Variants in MEGF6 observed in about 807,000 individuals in gnomAD.
The protein encoded by MEGF6 is multiple epidermal growth factor-like domains protein 6.
A neutral mutation model predicts 207.1 loss-of-function variants in MEGF6; 184 were observed. The observed-to-expected ratio is 0.89, with a 90% confidence interval of 0.79 to 1.00. The LOEUF is 1.00. Among genes scored for constraint, MEGF6 ranks in the 50% least tolerant of loss-of-function variants. The pLI, the probability that MEGF6 is intolerant of heterozygous loss-of-function variation, is 0.00. For missense variants in MEGF6, 2,282 were observed against 2,202.9 expected (o/e 1.04, Z -0.72); for synonymous variants, 1,038 against 910.0 (o/e 1.14, Z -2.53).
intron 1 of MEGF6, among the ~76,000 whole-genome samples, chr1:3,605,619 C>T (rs1363436821): frequency 1.3e-5 from 2 of 152,134 alleles, no homozygotes; most frequent in Non-Finnish European, 2.9e-5. Flanking sequence ...CACATACATA[C>T]TCATGCACAC....
At chr1:3,593,115 A>G (rs1644005655) in intron 3 of MEGF6, among the ~76,000 whole-genome samples, 1 of 152,192 alleles carries the variant, frequency 6.6e-6, no homozygotes, top group East Asian at 1.9e-4. Context: ...GCACAGGCAG[A>G]CAGAGCTGGC....
intron 3 of MEGF6, among the ~76,000 whole-genome samples, chr1:3,580,910 C>T (rs1643781017): frequency 1.3e-5 from 2 of 152,096 alleles, no homozygotes; most frequent in African/African-American, 4.8e-5. Flanking sequence ...GCACCCCTGC[C>T]AGTAGCAGGG....
At chr1:3,607,057 C>T (rs1361063922) in intron 1 of MEGF6, among the ~76,000 whole-genome samples, 6 of 151,968 alleles carry the variant, frequency 3.9e-5, no homozygotes, top group East Asian at 1.9e-4. Context: ...CTTGGGCCTC[C>T]GGGGCTTGGA....
At position 3,594,142 on chromosome 1, in the gene MEGF6, G is replaced by A. The variant is rs1229390200; in HGVS notation, c.376+1196C>T. The stretch of plus-strand genomic sequence containing the variant: ...TGTCCATTAAACCTCAACGTGGAGC[G>A]TGCTGGCGGGACATGGTGGCTCACA... On this transcript the variant is annotated intron_variant, in intron 3 of 36. Transcript: ENST00000356575. The surrounding 1 kb of genome is among the most constrained non-coding windows in gnomAD (Gnocchi z 4.2). 3.3e-5 allele frequency among the ~76,000 whole-genome samples: 5 copies of A among 152,232 alleles called. No homozygotes were observed. The highest frequency in any genetic ancestry group is 7.3e-5 in the Non-Finnish European group (5 of 68,044).
Position 3,507,037 on chromosome 1 carries a change from GA to G in MEGF6, c.1789+757del, listed in dbSNP as rs377152523. Among the ~76,000 whole-genome samples the G allele has an allele frequency of 1.6e-4, 25 of 152,340 alleles. No homozygotes were observed. In the East Asian group the frequency reaches 4.1e-3, roughly 25 times the overall value. ...GGGTTCCCCAGCACCCTGTAGAATA[GA>G]AAGGGCAGACAAAGTGGGGAAGGGA... On this transcript the variant is annotated intron_variant, in intron 14 of 36. Coordinates refer to ENST00000356575, the MANE Select transcript of MEGF6 (RefSeq NM_001409.4).
rs182891351 is a variant in MEGF6 at position 3,508,026 on chromosome 1, A to G, written c.1661-103T>C. 4 of 1,347,668 alleles carry G rather than the reference A, an allele frequency of 3.0e-6. No individual in the cohort carries two copies. In the Admixed American group the frequency reaches 9.6e-5, roughly 33 times the overall value. 83.5% of individuals were successfully genotyped at this position (1,347,668 alleles called of 1,614,324 possible). A position where few individuals can be genotyped will look rare whatever the true frequency, so the allele number is the denominator to read the frequency against. Reference sequence around the variant, plus strand: ...TGGGTTTAGAAGCAGTTGCCTAGAGATAAAATGATGGCACTTGTACCACAT... The same window carrying G: ...TGGGTTTAGAAGCAGTTGCCTAGAGGTAAAATGATGGCACTTGTACCACAT... On this transcript the variant is annotated intron_variant, in intron 13 of 36. Transcript: ENST00000356575.
At chr1:3,550,378 C>T (rs548264487) in intron 4 of MEGF6, among the ~76,000 whole-genome samples, 27 of 152,296 alleles carry the variant, frequency 1.8e-4, no homozygotes, top group African/African-American at 6.0e-4. Context: ...AGAGGTCACA[C>T]AGTGTAGGAT....
chr1:3,530,967 C>A, intron 4 of MEGF6: 1 of 1,348,066 alleles, frequency 7.4e-7, no homozygotes, highest in South Asian at 1.7e-5. Context: ...GCCCTGCTCC[C>A]TCCAGCCTAG....
Position 3,501,198 on chromosome 1 carries a change from C to T in MEGF6, c.2425G>A (p.Val809Ile), listed in dbSNP as rs61978585. 1,458 of 1,612,352 alleles carry T rather than the reference C, an allele frequency of 9.0e-4. 10 individuals are homozygous for T. In the African/African-American group the frequency reaches 0.017, roughly 19 times the overall value. ...TGACLCLPGF[V>I]GSRCQDVCPA... is the part of the protein sequence containing the mutation. ...TCACCGTCCTGGCAGCGGCTGCCGA[C>T]GAAGCCAGGGAGGCACAGGCAGGCT... The change falls in exon 19 of 37, where the codon GTC (valine) becomes ATC (isoleucine). Residue 809 changes from valine (V) to isoleucine (I), a missense_variant. Coordinates refer to ENST00000356575, the MANE Select transcript of MEGF6 (RefSeq NM_001409.4).
intron 20 of MEGF6, 69 bp downstream of exon 20, chr1:3,500,897 G>A (rs969655863): frequency 4.4e-5 from 70 of 1,606,904 alleles, no homozygotes; most frequent in Non-Finnish European, 1.2e-5. Context: ...GGGGCCCTGG[G>A]CAGAGGCCTC....
At chr1:3,609,233 TTCC>T (rs1644293775) in intron 1 of MEGF6, among the ~76,000 whole-genome samples, 1 of 152,148 alleles carries the variant, frequency 6.6e-6, no homozygotes, top group Admixed American at 6.5e-5. Flanking sequence ...AGCCCACAGC[TTCC>T]TCCTCCTTTC....
intron 4 of MEGF6, among the ~76,000 whole-genome samples, chr1:3,542,168 C>T (rs559656378): frequency 1.3e-5 from 2 of 152,220 alleles, no homozygotes; most frequent in African/African-American, 2.4e-5. Flanking sequence ...AGCACAGTGT[C>T]GGGGCTGAAT....
chr1:3,599,021 C>CGGGCT (rs1644118201), intron 2 of MEGF6, among the ~76,000 whole-genome samples: 1 of 152,206 alleles, frequency 6.6e-6, no homozygotes, highest in African/African-American at 2.4e-5. Context: ...TGGGCCGGGC[C>CGGGCT]GGGCTGGAGC....
rs1331310460 is a variant in MEGF6, at chr1:3,563,070, T to A, written c.481+16755A>T. On this transcript the variant is annotated intron_variant, in intron 4 of 36. Coordinates refer to ENST00000356575, the MANE Select transcript of MEGF6 (RefSeq NM_001409.4). The stretch of plus-strand genomic sequence containing the variant: ...CTGCCCACACCCCTTCTTGGTCCAG[T>A]ACAAGGGTCCCTCCCTGGAGGCTGC... Among the ~76,000 whole-genome samples the A allele has an allele frequency of 2.0e-5, 3 of 152,050 alleles. No individual in the cohort carries two copies. In the East Asian group the frequency reaches 5.8e-4, roughly 29 times the overall value.
chr1:3,524,221 G>A lies in MEGF6; in HGVS notation c.507C>T (p.Asn169=), dbSNP rs769547091. ...QYDVDECRTH[N]GGCQHRCVNT... ...TCACGCACCGGTGCTGGCAGCCACC[G>A]TTGTGGGTTCGGCATTCGTCCACAT... Residue 169 remains asparagine (N), a synonymous_variant, in exon 5 of 37, where the codon AAC becomes AAT. Coordinates refer to ENST00000356575, the MANE Select transcript of MEGF6 (RefSeq NM_001409.4). 3.3e-5 allele frequency: 54 copies of A among 1,612,458 alleles called. 1 individual carries two copies. The highest frequency in any genetic ancestry group is 2.0e-4 in the South Asian group (18 of 91,070).
chr1:3,498,044 C>T (rs1640685570), intron 26 of MEGF6, among the ~76,000 whole-genome samples: 1 of 152,144 alleles, frequency 6.6e-6, no homozygotes, highest in African/African-American at 2.4e-5. Context: ...GGCTCCAGGA[C>T]AAGGGGTGAA....
At chr1:3,542,775 G>A (rs1642572675) in intron 4 of MEGF6, among the ~76,000 whole-genome samples, 1 of 152,254 alleles carries the variant, frequency 6.6e-6, no homozygotes, top group Non-Finnish European at 1.5e-5. Flanking sequence ...AGGAGCTAAG[G>A]GAAGTTCAAA....
chr1:3,614,075 C>T (rs1192022965), upstream of MEGF6, among the ~76,000 whole-genome samples: 5 of 152,326 alleles, frequency 3.3e-5, no homozygotes, highest in Middle Eastern at 0.014. Flanking sequence ...TTTCCCACGC[C>T]TTTCAGGGTG....
chr1:3,534,082 A>G (rs1642254963), intron 4 of MEGF6, among the ~76,000 whole-genome samples: 1 of 152,146 alleles, frequency 6.6e-6, no homozygotes, highest in African/African-American at 2.4e-5. Flanking sequence ...GCGAGGCCCC[A>G]AGCAGGGAAG....
Sources: gnomAD v4.1 joint callset for allele counts (sites outside exome capture counted in the v4.1 genomes callset) on GRCh38, gnomAD v4.1.1 for gene constraint, Gnocchi (gnomAD v3.1) non-coding constraint, MANE v1.5 for transcripts, NCBI Gene and HGNC (gene_info 2026-07-23, HGNC 2026-07-21) for gene names.